TERF2: variants seen among roughly 807,000 people sequenced by gnomAD.
The protein encoded by TERF2 is telomeric repeat-binding factor 2.
TERF2 carries 16 observed loss-of-function variants against 56.1 expected under a neutral mutation model. The observed-to-expected ratio is 0.29, with a 90% confidence interval of 0.19 to 0.43. The LOEUF (loss-of-function observed/expected upper bound fraction) is 0.43, where lower values mean the gene tolerates loss of function less well. Ranked by LOEUF, TERF2 falls within the 20% of genes least tolerant of loss-of-function variation. TERF2 has a pLI of 1.00. For missense variants in TERF2, 547 were observed against 712.9 expected (o/e 0.77, Z 2.65); for synonymous variants, 296 against 282.1 (o/e 1.05, Z -0.50).
At chr16:69,375,408 T>A (rs1035897480) in intron 3 of TERF2, among the ~76,000 whole-genome samples, 1 of 152,152 alleles carries the variant, frequency 6.6e-6, no homozygotes, top group African/African-American at 2.4e-5. Flanking sequence ...TAGTGCTTTT[T>A]AAAAAATAGG....
intron 3 of TERF2, among the ~76,000 whole-genome samples, chr16:69,376,929 G>A (rs970089232): frequency 1.3e-5 from 2 of 151,494 alleles, no homozygotes; most frequent in African/African-American, 2.4e-5. Context: ...GGCTGGGTGC[G>A]ATGGCTCACG....
At chr16:69,366,697 C>A (rs374328864) in intron 7 of TERF2, 110 bp downstream of exon 7, 17 of 1,381,994 alleles carry the variant, frequency 1.2e-5, no homozygotes, top group Non-Finnish European at 1.2e-5. Context: ...TCTGAGCAAG[C>A]CTTGGTGGTG....
At chr16:69,372,398 AG>A in intron 3 of TERF2, 43 bp from the exon 4 acceptor site, 1 of 1,273,294 alleles carries the variant, frequency 7.9e-7, no homozygotes, top group African/African-American at 1.5e-5. Context: ...TTGTAATGAC[AG>A]GTGTAATCAG....
intron 8 of TERF2, among the ~76,000 whole-genome samples, chr16:69,359,627 ATTTTTTTTTTTTT>A (rs564611021): frequency 8.3e-5 from 6 of 72,588 alleles, no homozygotes; most frequent in East Asian, 3.5e-4. Flanking sequence ...ATCATTCCCA[ATTTTTTTTTTTTT>A]TTTTTTTTTT....
chr16:69,373,503 A>T (rs1020332101), intron 3 of TERF2, among the ~76,000 whole-genome samples: 1 of 152,226 alleles, frequency 6.6e-6, no homozygotes, highest in Non-Finnish European at 1.5e-5. Context: ...TGAGAGACAC[A>T]GATTCTTTAA....
At chr16:69,379,899 G>A (rs950046287) in intron 3 of TERF2, among the ~76,000 whole-genome samples, 3 of 152,032 alleles carry the variant, frequency 2.0e-5, no homozygotes, top group African/African-American at 7.2e-5. Flanking sequence ...CTGTTGTGAT[G>A]TGTTATTTTG....
Position 69,356,364 on chromosome 16 carries a change from T to C in TERF2, c.*534A>G, listed in dbSNP as rs529413896. 3.5e-4 allele frequency: 121 copies of C among 341,260 alleles called. 1 individual carries two copies. The highest frequency in any genetic ancestry group is 2.6e-3 in the South Asian group (117 of 44,638). The allele number at this position is 341,260 out of a possible 1,614,324, so 21.1% of individuals were successfully genotyped here. Reference sequence around the variant, plus strand: ...ATATTCTGGCACTGCACAAGCTGTGTGCCTGTCATCTCTGCCAAGGACATG... The same window carrying C: ...ATATTCTGGCACTGCACAAGCTGTGCGCCTGTCATCTCTGCCAAGGACATG... On this transcript the variant is annotated 3_prime_UTR_variant, in exon 10 of 10. Transcript: ENST00000254942.
At position 69,385,740 on chromosome 16, in the gene TERF2, C is replaced by G; in HGVS notation, c.232G>C (p.Gly78Arg). The G allele has an allele frequency of 6.6e-7, 1 of 1,506,580 alleles. No homozygotes were observed. Among genetic ancestry groups the G allele is most frequent in the Non-Finnish European group, 8.8e-7 (1 of 1,131,826 alleles). 93.3% of individuals were successfully genotyped at this position (1,506,580 alleles called of 1,614,324 possible). A position where few individuals can be genotyped will look rare whatever the true frequency, so the allele number is the denominator to read the frequency against. The change falls in exon 1 of 10, where the codon GGG becomes CGG. Residue 78 changes from glycine (G) to arginine (R), a missense_variant. This residue lies in a region of TERF2 where 120 missense variants were observed against 172.4 expected (regional missense o/e 0.70). Transcript: ENST00000254942. ...ARRGRHEPGL[G>R]GPAERGAGEA... ...CCCGCGCCGCGCTCCGCCGGGCCCC[C>G]CAGCCCCGGCTCGTGGCGCCCCCGC...
intron 7 of TERF2, chr16:69,366,090 A>G (rs1277901475): frequency 6.6e-6 from 1 of 152,274 alleles, no homozygotes; most frequent in Non-Finnish European, 1.5e-5. Flanking sequence ...CACTTCATCA[A>G]CAACGGCTTT....
At chr16:69,358,494 T>C (rs1315473487) in intron 8 of TERF2, among the ~76,000 whole-genome samples, 3 of 152,232 alleles carry the variant, frequency 2.0e-5, no homozygotes, top group African/African-American at 7.2e-5. Context: ...TTTAAAACCC[T>C]TATGTATATA....
chr16:69,362,694 T>G (rs867623870), intron 7 of TERF2, among the ~76,000 whole-genome samples: 1 of 152,218 alleles, frequency 6.6e-6, no homozygotes, highest in Non-Finnish European at 1.5e-5. Context: ...ATAGCCCATT[T>G]CTTCTAATCA....
At chr16:69,373,514 A>G (rs2013653050) in intron 3 of TERF2, among the ~76,000 whole-genome samples, 1 of 152,222 alleles carries the variant, frequency 6.6e-6, no homozygotes, top group African/African-American at 2.4e-5. Context: ...GATTCTTTAA[A>G]AAGACCACCA....
chr16:69,385,688 T>C lies in TERF2; in HGVS notation c.284A>G (p.Asn95Ser), dbSNP rs763759558. The C allele has an allele frequency of 1.5e-5, 24 of 1,608,194 alleles. No homozygotes were observed. Among genetic ancestry groups the C allele is most frequent in the African/African-American group, 4.0e-5 (3 of 74,568 alleles). ...AGEARLEEAV[N>S]RWVLKFYFHE... Reference sequence around the variant, plus strand: ...GAAGTAGAACTTGAGCACCCAGCGATTGACTGCCTCTTCCAGCCGTGCCTC... The same window carrying C: ...GAAGTAGAACTTGAGCACCCAGCGACTGACTGCCTCTTCCAGCCGTGCCTC... The change falls in exon 1 of 10, where the codon AAT becomes AGT. Residue 95 changes from asparagine to serine, a missense_variant. Coordinates refer to ENST00000254942, the MANE Select transcript of TERF2 (RefSeq NM_005652.5).
In TERF2 at chr16:69,368,412, G is replaced by T; in HGVS notation, c.911C>A (p.Pro304Gln). The change falls in exon 6 of 10, where the codon CCA (proline) becomes CAA (glutamine). Residue 304 changes from proline to glutamine, a missense_variant. This residue lies in a region of TERF2 where 211 missense variants were observed against 236.8 expected (regional missense o/e 0.89). Coordinates refer to ENST00000254942, the MANE Select transcript of TERF2 (RefSeq NM_005652.5). ...STGKEDKQPAPGPVEKPPREP... is the reference protein window; with the variant it reads ...STGKEDKQPAQGPVEKPPREP... ...TCTGGGTGGCTTTTCCACAGGCCCT[G>T]GTGCTGGCTGTTTATCTTCCTTCCC... The T allele has an allele frequency of 6.2e-7, 1 of 1,614,120 alleles. No individual in the cohort carries two copies. The highest frequency in any genetic ancestry group is 1.1e-5 in the South Asian group (1 of 91,072).
At chr16:69,380,877 C>T (rs910992688) in intron 3 of TERF2, among the ~76,000 whole-genome samples, 3 of 148,668 alleles carry the variant, frequency 2.0e-5, no homozygotes, top group Non-Finnish European at 3.0e-5. Flanking sequence ...TCTCGGCTCA[C>T]GGCAACCTCC....
intron 8 of TERF2, among the ~76,000 whole-genome samples, chr16:69,358,833 TA>T (rs1257771356): frequency 6.6e-6 from 1 of 152,262 alleles, no homozygotes; most frequent in Non-Finnish European, 1.5e-5. Flanking sequence ...CTTCCACTGC[TA>T]TAACAGTCCT....
In TERF2 at chr16:69,385,991, G is replaced by C; in HGVS notation, c.-20C>G. The C allele has an allele frequency of 7.6e-7, 1 of 1,312,238 alleles. No individual in the cohort carries two copies. The highest frequency in any genetic ancestry group is 2.0e-5 in the South Asian group (1 of 50,422). 81.3% of individuals were successfully genotyped at this position (1,312,238 alleles called of 1,614,324 possible). ...GGCCATGATAGAAACAGCGTTCCGA[G>C]CCGCCCGCGGGCTTCTGGGAGGGAA... On this transcript the variant is annotated 5_prime_UTR_variant, in exon 1 of 10. Coordinates refer to ENST00000254942, the MANE Select transcript of TERF2 (RefSeq NM_005652.5).
chr16:69,372,132 G>T (rs753373538), intron 4 of TERF2, 137 bp downstream of exon 4: 2 of 560,810 alleles, frequency 3.6e-6, no homozygotes, highest in Non-Finnish European at 6.3e-6. Context: ...GGATATAAAA[G>T]ATAACTTGCT....
chr16:69,358,968 G>A (rs533377826), intron 8 of TERF2, among the ~76,000 whole-genome samples: 1 of 152,316 alleles, frequency 6.6e-6, no homozygotes, highest in South Asian at 2.1e-4. Flanking sequence ...ACATGCAACT[G>A]TGACACAATG....
Sources: allele counts gnomAD v4.1 joint callset (sites outside exome capture counted in the v4.1 genomes callset), GRCh38; gene constraint gnomAD v4.1.1; regional missense constraint gnomAD v4.1.1; transcripts MANE v1.5; gene names NCBI Gene and HGNC (gene_info 2026-07-23, HGNC 2026-07-21).